SRGAP1: variants seen among roughly 807,000 people sequenced by gnomAD.
The protein encoded by SRGAP1 is SLIT-ROBO Rho GTPase-activating protein 1.
In SRGAP1, 43 loss-of-function variants were observed where a neutral mutation model predicts 121.9. That is an observed-to-expected ratio of 0.35 (90% CI 0.28 to 0.46). The LOEUF is 0.46. Ranked by LOEUF, SRGAP1 falls within the 20% of genes least tolerant of loss-of-function variation. SRGAP1 has a pLI of 1.00. For missense variants in SRGAP1, 1,102 were observed against 1,350.9 expected (o/e 0.82, Z 2.89); for synonymous variants, 447 against 485.4 (o/e 0.92, Z 1.04).
chr12:64,060,832 G>A (rs1593088945), intron 6 of SRGAP1, among the ~76,000 whole-genome samples: 2 of 152,138 alleles, frequency 1.3e-5, no homozygotes, highest in South Asian at 4.1e-4. Flanking sequence ...CCAACGGACA[G>A]CTTATGTTCA....
intron 17 of SRGAP1, among the ~76,000 whole-genome samples, chr12:64,113,107 A>G (rs2036456220): frequency 6.6e-6 from 1 of 150,660 alleles, no homozygotes; most frequent in Admixed American, 6.7e-5. Context: ...CCCTGTCTCT[A>G]AAGAAGAAAA....
intron 15 of SRGAP1, among the ~76,000 whole-genome samples, chr12:64,098,373 A>C (rs1459567241): frequency 1.3e-5 from 2 of 152,194 alleles, no homozygotes; most frequent in East Asian, 1.9e-4. Context: ...AAAAAAAAAA[A>C]AAACTGGGTT....
At chr12:64,138,571 C>T (rs1401263526) in intron 21 of SRGAP1, among the ~76,000 whole-genome samples, 1 of 150,514 alleles carries the variant, frequency 6.6e-6, no homozygotes, top group Non-Finnish European at 1.5e-5. Flanking sequence ...AGCAATTCTC[C>T]TGCCTCAGCC....
At position 63,969,281 on chromosome 12, in the gene SRGAP1, A is replaced by G. The variant is rs192707989; in HGVS notation, c.68-14666A>G. Among the ~76,000 whole-genome samples, 20 of 152,260 alleles carry G rather than the reference A, an allele frequency of 1.3e-4. No homozygotes were observed. The East Asian group carries it at 3.5e-3, about 26-fold the overall frequency. On this transcript the variant is annotated intron_variant, in intron 1 of 21. Coordinates refer to ENST00000355086, the MANE Select transcript of SRGAP1 (RefSeq NM_020762.4). ...ATGAATCTGATGGCAGATTTCATTAAAGTTGAAGTTACATATTCATGACTG... is the reference window on the plus strand; with the variant it reads ...ATGAATCTGATGGCAGATTTCATTAGAGTTGAAGTTACATATTCATGACTG...
intron 1 of SRGAP1, among the ~76,000 whole-genome samples, chr12:63,889,895 G>A (rs922377312): frequency 6.6e-6 from 1 of 151,586 alleles, no homozygotes; most frequent in Non-Finnish European, 1.5e-5. Context: ...GTGACAGAGC[G>A]AGACTCAGTC....
chr12:64,127,687 TC>T lies in SRGAP1; in HGVS notation c.2507del (p.Pro836ArgfsTer10). 2 of 1,614,060 alleles carry T rather than the reference TC, an allele frequency of 1.2e-6. No homozygotes were observed. The highest frequency in any genetic ancestry group is 1.7e-6 in the Non-Finnish European group (2 of 1,180,010). On this transcript the variant is annotated frameshift_variant, in exon 20 of 22. Coordinates refer to ENST00000355086, the MANE Select transcript of SRGAP1 (RefSeq NM_020762.4). LOFTEE classifies it high-confidence loss of function. ...CAAGTCCTCATCCAAGGACATGAAC[TC>T]CCCGACAGACCGTCATCCTGACGGC... is the stretch of plus-strand genomic sequence containing the variant. Reference protein sequence around the residue: ...EDKSSSKDMNSPTDRHPDGYL... With the variant: ...EDKSSSKDMNXPTDRHPDGYL...
Position 63,946,704 on chromosome 12 carries a change from C to T in SRGAP1, c.68-37243C>T, listed in dbSNP as rs141188072. ...GACCACAGGCATGCACCACCATGCCCGGCTAATTTTTTCTATTTTTAGTAG... is the reference window on the plus strand; with the variant it reads ...GACCACAGGCATGCACCACCATGCCTGGCTAATTTTTTCTATTTTTAGTAG... On this transcript the variant is annotated intron_variant, in intron 1 of 21. Coordinates refer to ENST00000355086, the MANE Select transcript of SRGAP1 (RefSeq NM_020762.4). Among the ~76,000 whole-genome samples, 1,007 of 152,098 alleles carry T rather than the reference C, an allele frequency of 6.6e-3. 12 individuals carry two copies. Among genetic ancestry groups the T allele is most frequent in the African/African-American group, 0.023 (949 of 41,504 alleles).
intron 1 of SRGAP1, among the ~76,000 whole-genome samples, chr12:63,936,604 G>C (rs1382142422): frequency 6.6e-6 from 1 of 152,138 alleles, no homozygotes; most frequent in Non-Finnish European, 1.5e-5. Context: ...ACAGTACAGT[G>C]AAGACATAGA....
chr12:63,890,295 G>A (rs1900535117), intron 1 of SRGAP1, among the ~76,000 whole-genome samples: 1 of 152,204 alleles, frequency 6.6e-6, no homozygotes, highest in Non-Finnish European at 1.5e-5. Context: ...AGAGGCCAAA[G>A]GCAGGAGAGA....
At chr12:63,983,015 G>A (rs2033294052) in intron 1 of SRGAP1, 1 of 152,238 alleles carries the variant, frequency 6.6e-6, no homozygotes, top group South Asian at 2.1e-4. Flanking sequence ...GTGAAGGCCA[G>A]CTGAAGAGGC....
rs768600420 is a variant in SRGAP1, at chr12:64,095,014, TC to T, written c.1600+23del. The T allele has an allele frequency of 1.5e-5, 24 of 1,613,328 alleles. No individual in the cohort carries two copies. The South Asian group carries it at 2.5e-4, about 17-fold the overall frequency. ...TATGGTAAGCCATAAACTACAGAAT[TC>T]TTATTTTTTAAAAAATCACTTGAAG... On this transcript the variant is annotated intron_variant, in intron 13 of 21. Transcript: ENST00000355086.
At chr12:63,870,741 A>G (rs1260848654) in intron 1 of SRGAP1, among the ~76,000 whole-genome samples, 2 of 151,930 alleles carry the variant, frequency 1.3e-5, no homozygotes, top group African/African-American at 4.8e-5. Context: ...AGGTTTTGCC[A>G]TGTTGGCCAG....
At chr12:63,948,488 C>T (rs1414197412) in intron 1 of SRGAP1, among the ~76,000 whole-genome samples, 1 of 152,140 alleles carries the variant, frequency 6.6e-6, no homozygotes, top group Non-Finnish European at 1.5e-5. Flanking sequence ...TTGGGATATC[C>T]CATTCCTACC....
intron 6 of SRGAP1, among the ~76,000 whole-genome samples, chr12:64,048,195 A>T (rs779404110): frequency 5.9e-5 from 9 of 152,090 alleles, no homozygotes; most frequent in Non-Finnish European, 1.3e-4. Flanking sequence ...TATCTCCATA[A>T]GTTTAATTGT....
At chr12:64,125,604 A>G (rs1325843192) in intron 18 of SRGAP1, among the ~76,000 whole-genome samples, 1 of 152,176 alleles carries the variant, frequency 6.6e-6, no homozygotes, top group Non-Finnish European at 1.5e-5. Flanking sequence ...AGTGTCATCT[A>G]TCAATGCCAA....
intron 4 of SRGAP1, among the ~76,000 whole-genome samples, chr12:64,025,312 A>G (rs527364705): frequency 1.3e-5 from 2 of 152,238 alleles, no homozygotes; most frequent in East Asian, 3.9e-4. Context: ...GCATCCTTCT[A>G]TAAAGAAGAA....
At chr12:63,999,716 A>G (rs968383421) in intron 3 of SRGAP1, among the ~76,000 whole-genome samples, 2 of 152,104 alleles carry the variant, frequency 1.3e-5, no homozygotes, top group South Asian at 2.1e-4. Context: ...GGGTGTGCCT[A>G]TGGATAACTG....
intron 1 of SRGAP1, among the ~76,000 whole-genome samples, chr12:63,846,970 G>T (rs1898922558): frequency 6.6e-6 from 1 of 152,224 alleles, no homozygotes. Context: ...CCTTAGTAAG[G>T]ACAGCATGGG....
chr12:64,069,477 C>A (rs2035602312), intron 8 of SRGAP1, among the ~76,000 whole-genome samples: 1 of 152,238 alleles, frequency 6.6e-6, no homozygotes, highest in Non-Finnish European at 1.5e-5. Context: ...ACCCTTGGTA[C>A]CTCAGTCTCA....
Sources: gnomAD v4.1 joint callset for allele counts (sites outside exome capture counted in the v4.1 genomes callset) on GRCh38, gnomAD v4.1.1 for gene constraint, MANE v1.5 for transcripts, NCBI Gene and HGNC (gene_info 2026-07-23, HGNC 2026-07-21) for gene names.